The following DNAH11 variants were observed in gnomAD, a reference collection of about 807,000 sequenced individuals.
DNAH11 encodes dynein axonemal heavy chain 11, also known as axonemal beta dynein heavy chain 11.
A neutral mutation model predicts 526.0 loss-of-function variants in DNAH11; 442 were observed. The ratio of observed to expected loss-of-function variants is 0.84; its 90% CI spans 0.78 to 0.91. DNAH11 has a LOEUF of 0.91. Among genes scored for constraint, DNAH11 ranks in the 40% least tolerant of loss-of-function variants. DNAH11 has a pLI of 0.00. For missense variants in DNAH11, 6,989 were observed against 5,448.7 expected, an observed-to-expected ratio of 1.28 and a Z score of -8.90; for synonymous variants, 2,461 against 1,935.9, an observed-to-expected ratio of 1.27 and a Z score of -7.12.
At chr7:21,565,599 G>C (rs1057473449) in intron 6 of DNAH11, among the ~76,000 whole-genome samples, 1 of 152,158 alleles carries the variant, frequency 6.6e-6, no homozygotes, top group Non-Finnish European at 1.5e-5. Context: ...AAAAGATAGA[G>C]TGGTGTGTGG....
chr7:21,692,743 C>T (rs1236444860), intron 35 of DNAH11, among the ~76,000 whole-genome samples: 2 of 152,214 alleles, frequency 1.3e-5, no homozygotes, highest in Non-Finnish European at 2.9e-5. Context: ...TAAGAATCTG[C>T]CAGTCTGGTT....
At position 21,543,277 on chromosome 7, in the gene DNAH11, G is replaced by C. The variant is rs1471867391; in HGVS notation, c.32G>C (p.Arg11Pro). MAAQVAAREA[R>P]DFREAPTLRL... ...GCCCAGGTGGCAGCCCGGGAGGCGC[G>C]AGACTTCAGAGAAGCCCCGACCCTT... The change falls in exon 1 of 82, where the codon CGA becomes CCA. Residue 11 changes from arginine (R) to proline (P), a missense_variant. Transcript: ENST00000409508. The C allele has an allele frequency of 6.5e-6, 10 of 1,541,006 alleles. No homozygotes were observed. The highest frequency in any genetic ancestry group is 2.1e-4 in the Middle Eastern group (1 of 4,654).
At position 21,545,162 on chromosome 7, in the gene DNAH11, C is replaced by A. The variant is rs760999829; in HGVS notation, c.495+13C>A. The A allele has an allele frequency of 1.9e-6, 3 of 1,574,128 alleles. No homozygotes were observed. The South Asian group carries it at 3.5e-5, about 18-fold the overall frequency. ...TTTCCTTGATGAGGTACTGGTCTGT[C>A]TTTAATATTTAAAGCTTTCACTTAT... On this transcript the variant is annotated intron_variant, in intron 2 of 81. Transcript: ENST00000409508.
At chr7:21,634,540 A>C (rs1786767454) in intron 25 of DNAH11, among the ~76,000 whole-genome samples, 1 of 152,188 alleles carries the variant, frequency 6.6e-6, no homozygotes, top group Non-Finnish European at 1.5e-5. Flanking sequence ...CTGAGATTTC[A>C]GTGTCATAGA....
rs1037055622 is a variant in DNAH11 at position 21,800,198 on chromosome 7, A to C, written c.10027-939A>C. Among the ~76,000 whole-genome samples the C allele has an allele frequency of 3.9e-5, 6 of 151,994 alleles. No individual in the cohort carries two copies. In the East Asian group the frequency reaches 1.2e-3, roughly 29 times the overall value. On this transcript the variant is annotated intron_variant, in intron 61 of 81. Transcript: ENST00000409508. ...TTTCGTCCTTCTCTCTTTCTCCACA[A>C]TGGTTTTCTCTGGTTTTTTCTGTGC...
intron 54 of DNAH11, among the ~76,000 whole-genome samples, chr7:21,753,469 C>T (rs1483745684): frequency 6.6e-6 from 1 of 152,160 alleles, no homozygotes. Context: ...TGCTTTCATG[C>T]TCTTTAAAAC....
intron 49 of DNAH11, among the ~76,000 whole-genome samples, 170 bp downstream of exon 49, chr7:21,742,336 C>T (rs1785944160): frequency 6.6e-6 from 1 of 152,186 alleles, no homozygotes; most frequent in Admixed American, 6.5e-5. Flanking sequence ...ATGGCCCCAG[C>T]ATCTGCTTCT....
At chr7:21,694,279 C>T (rs1489627797) in intron 35 of DNAH11, among the ~76,000 whole-genome samples, 1 of 151,900 alleles carries the variant, frequency 6.6e-6, no homozygotes, top group East Asian at 1.9e-4. Flanking sequence ...TTTGCTGCAC[C>T]CATCAACCCA....
intron 76 of DNAH11, among the ~76,000 whole-genome samples, chr7:21,891,541 C>A (rs1438119761): frequency 6.6e-6 from 1 of 152,154 alleles, no homozygotes; most frequent in Non-Finnish European, 1.5e-5. Flanking sequence ...GACTCAGGCT[C>A]ATAAATTCTT....
At chr7:21,687,918 C>T (rs1783451591) in intron 34 of DNAH11, among the ~76,000 whole-genome samples, 1 of 151,998 alleles carries the variant, frequency 6.6e-6, no homozygotes, top group African/African-American at 2.4e-5. Context: ...AAAAATTAGC[C>T]AGGCATGGTG....
intron 61 of DNAH11, among the ~76,000 whole-genome samples, chr7:21,791,253 G>C (rs907905970): frequency 1.3e-5 from 2 of 152,178 alleles, no homozygotes; most frequent in African/African-American, 2.4e-5. Flanking sequence ...TCTCAAGGTG[G>C]CCATGTGTGA....
rs780263239 is a variant in DNAH11, at chr7:21,600,138, G to A, written c.3000+19G>A. ...TTATCAGGTATTTTCTTAGTAAATG[G>A]GTATTTAGCTTTTATATTAATGATT... On this transcript the variant is annotated intron_variant, in intron 15 of 81. Transcript: ENST00000409508. The A allele has an allele frequency of 4.6e-6, 7 of 1,505,976 alleles. No individual in the cohort carries two copies. Among genetic ancestry groups the A allele is most frequent in the East Asian group, 2.3e-5 (1 of 43,478 alleles). 93.3% of individuals were successfully genotyped at this position (1,505,976 alleles called of 1,614,324 possible).
intron 45 of DNAH11, among the ~76,000 whole-genome samples, chr7:21,733,123 A>G (rs1785451786): frequency 6.6e-6 from 1 of 152,220 alleles, no homozygotes; most frequent in Non-Finnish European, 1.5e-5. Flanking sequence ...GCAGTGACTC[A>G]AGCCTGTAAT....
chr7:21,603,376 G>C (rs1387521460), intron 18 of DNAH11, among the ~76,000 whole-genome samples: 1 of 152,192 alleles, frequency 6.6e-6, no homozygotes, highest in African/African-American at 2.4e-5. Context: ...GAACACTGGT[G>C]TGTATTTATT....
chr7:21,690,364 A>G (rs1453967822), intron 34 of DNAH11, among the ~76,000 whole-genome samples: 1 of 152,184 alleles, frequency 6.6e-6, no homozygotes, highest in Non-Finnish European at 1.5e-5. Context: ...CTTAAGACTG[A>G]GCAGGACGTC....
At chr7:21,709,627 A>G (rs932962956) in intron 40 of DNAH11, among the ~76,000 whole-genome samples, 2 of 152,172 alleles carry the variant, frequency 1.3e-5, no homozygotes, top group Admixed American at 1.3e-4. Context: ...ACCCTTCATC[A>G]TTCTCTATCC....
intron 24 of DNAH11, 66 bp from the exon 25 acceptor site, chr7:21,619,890 G>A: frequency 6.9e-7 from 1 of 1,447,318 alleles, no homozygotes; most frequent in Non-Finnish European, 9.4e-7. Flanking sequence ...ATTAATTCCA[G>A]ATAATAGTCT....
intron 36 of DNAH11, 75 bp from the exon 37 acceptor site, chr7:21,702,635 T>C (rs966750337): frequency 8.5e-6 from 11 of 1,293,048 alleles, no homozygotes; most frequent in Admixed American, 2.0e-5. Context: ...TTAAAAACTT[T>C]CAGCTCTTAC....
intron 2 of DNAH11, among the ~76,000 whole-genome samples, chr7:21,556,033 T>G (rs1465502225): frequency 6.6e-6 from 1 of 152,150 alleles, no homozygotes; most frequent in Non-Finnish European, 1.5e-5. Context: ...AGCAGGTCAT[T>G]TATCTCCTAG....
Sources: allele counts gnomAD v4.1 joint callset (sites outside exome capture counted in the v4.1 genomes callset), GRCh38; gene constraint gnomAD v4.1.1; transcripts MANE v1.5; gene names NCBI Gene and HGNC (gene_info 2026-07-23, HGNC 2026-07-21).